Variants in TBC1D32 observed in about 807,000 individuals in gnomAD.
TBC1D32 encodes the protein protein broad-minded.
Under a neutral mutation model 170.3 loss-of-function variants are expected in TBC1D32, and 151 were observed. The ratio of observed to expected loss-of-function variants is 0.89; its 90% confidence interval spans 0.78 to 1.01. The LOEUF is 1.01. TBC1D32 is among the 50% of genes least tolerant of loss of function. TBC1D32 has a pLI of 0.00. For synonymous variants in TBC1D32, 498 were observed against 488.0 expected (o/e 1.02, Z -0.27); for missense variants, 1,464 against 1,457.1 (o/e 1.00, Z -0.08).
intron 24 of TBC1D32, among the ~76,000 whole-genome samples, chr6:121,152,147 T>C (rs1036026047): frequency 2.0e-5 from 3 of 152,208 alleles, no homozygotes; most frequent in Admixed American, 1.3e-4. Flanking sequence ...TACTGGTTTT[T>C]CCTTTCAATA....
chr6:121,151,481 A>G (rs79004489), intron 24 of TBC1D32, among the ~76,000 whole-genome samples: 1 of 152,116 alleles, frequency 6.6e-6, no homozygotes, highest in Admixed American at 6.6e-5. Flanking sequence ...TATTCTGTTG[A>G]TTTGGGGTGG....
Position 121,319,410 on chromosome 6 carries a change from C to T in TBC1D32, c.318-1738G>A, listed in dbSNP as rs149608183. Among the ~76,000 whole-genome samples, 372 of 152,258 alleles carry T rather than the reference C, an allele frequency of 2.4e-3. 4 individuals carry two copies. The highest frequency in any genetic ancestry group is 8.9e-3 in the African/African-American group (368 of 41,560). ...GGCAGCAAAAAACAGGGAAACAAAA[C>T]AGTGCCCTGGCAGCAATCAATACAC... On this transcript the variant is annotated intron_variant, in intron 2 of 31. Coordinates refer to ENST00000398212, the MANE Select transcript of TBC1D32 (RefSeq NM_152730.6).
At chr6:121,295,869 A>G (rs1318776301) in intron 10 of TBC1D32, among the ~76,000 whole-genome samples, 2 of 152,162 alleles carry the variant, frequency 1.3e-5, no homozygotes, top group African/African-American at 4.8e-5. Flanking sequence ...GCCTCCTTAC[A>G]AGGTGGGATT....
At chr6:121,329,868 C>T (rs765184701) in intron 1 of TBC1D32, among the ~76,000 whole-genome samples, 3 of 151,700 alleles carry the variant, frequency 2.0e-5, no homozygotes, top group Non-Finnish European at 4.4e-5. Context: ...ATACATAAGG[C>T]CATATAATAG....
At chr6:121,274,964 A>G (rs1308264120) in intron 15 of TBC1D32, among the ~76,000 whole-genome samples, 1 of 152,200 alleles carries the variant, frequency 6.6e-6, no homozygotes, top group Non-Finnish European at 1.5e-5. Context: ...AATTGTAGCA[A>G]CAAACAAAAA....
intron 22 of TBC1D32, chr6:121,170,290 T>C (rs945007771): frequency 2.9e-6 from 3 of 1,041,832 alleles, no homozygotes; most frequent in Non-Finnish European, 4.0e-6. Flanking sequence ...GTTATTTAAA[T>C]TGATTGAATT....
chr6:121,321,699 T>G lies in TBC1D32; in HGVS notation c.251A>C (p.Gln84Pro). 6.2e-7 allele frequency: 1 copy of G among 1,614,104 alleles called. No individual in the cohort carries two copies. The highest frequency in any genetic ancestry group is 8.5e-7 in the Non-Finnish European group (1 of 1,179,976). Residue 84 changes from glutamine to proline, a missense_variant, in exon 2 of 32, where the codon CAG (glutamine) becomes CCG (proline). Gln to Pro is a moderately conservative substitution (Grantham distance 76). Coordinates refer to ENST00000398212, the MANE Select transcript of TBC1D32 (RefSeq NM_152730.6). ...TGTATCATAGCCGCATTCTTCACCCTGATTCCGATCAGATGTGCATTTTTC... is the reference window on the plus strand; with the variant it reads ...TGTATCATAGCCGCATTCTTCACCCGGATTCCGATCAGATGTGCATTTTTC... ...EMEKCTSDRNQGEECGYDTVV... is the reference protein window; with the variant it reads ...EMEKCTSDRNPGEECGYDTVV...
chr6:121,208,309 TG>T (rs1162195551), intron 21 of TBC1D32, among the ~76,000 whole-genome samples: 1 of 152,024 alleles, frequency 6.6e-6, no homozygotes, highest in Non-Finnish European at 1.5e-5. Flanking sequence ...TCAACATGGC[TG>T]GGGAGACCTC....
At chr6:121,082,204 T>C (rs1369762376) in intron 31 of TBC1D32, among the ~76,000 whole-genome samples, 1 of 152,072 alleles carries the variant, frequency 6.6e-6, no homozygotes, top group East Asian at 1.9e-4. Flanking sequence ...GTGTATATCA[T>C]GTCTCTGATT....
rs533639154 is a variant in TBC1D32, at chr6:121,269,294, T to C, written c.1733+9827A>G. On this transcript the variant is annotated intron_variant, in intron 15 of 31. Coordinates refer to ENST00000398212, the MANE Select transcript of TBC1D32 (RefSeq NM_152730.6). ...CCTTAAATGAAAATGGGCTAAATGC[T>C]CCAATTAAAAGACATAGACTGGCAA... Among the ~76,000 whole-genome samples, 7 of 152,100 alleles carry C rather than the reference T, an allele frequency of 4.6e-5. No individual in the cohort carries two copies. In the East Asian group the frequency reaches 1.4e-3, roughly 29 times the overall value.
At chr6:121,185,544 C>A (rs1053399619) in intron 22 of TBC1D32, among the ~76,000 whole-genome samples, 14 of 152,084 alleles carry the variant, frequency 9.2e-5, no homozygotes, top group Non-Finnish European at 2.1e-4. Context: ...CTGACTACAG[C>A]TATTACTGAA....
At chr6:121,089,356 A>G (rs1582712999) in intron 31 of TBC1D32, among the ~76,000 whole-genome samples, 1 of 152,164 alleles carries the variant, frequency 6.6e-6, no homozygotes, top group African/African-American at 2.4e-5. Context: ...CTAAAGTAGG[A>G]TAAGATGTTA....
At chr6:121,206,216 G>GAAAA (rs74509676) in intron 21 of TBC1D32, among the ~76,000 whole-genome samples, 1 of 74,588 alleles carries the variant, frequency 1.3e-5, no homozygotes, top group Non-Finnish European at 3.1e-5. Context: ...TCTCAGAAAA[G>GAAAA]AAAAAAAAAA....
At chr6:121,213,514 TA>T (rs1169241649) in intron 21 of TBC1D32, among the ~76,000 whole-genome samples, 4 of 5,566 alleles carry the variant, frequency 7.2e-4, no homozygotes, top group African/African-American at 9.8e-4. Flanking sequence ...TAAAATAAAA[TA>T]AAATAAAATA....
chr6:121,264,801 C>G (rs1800245387), intron 15 of TBC1D32, among the ~76,000 whole-genome samples: 1 of 152,100 alleles, frequency 6.6e-6, no homozygotes, highest in South Asian at 2.1e-4. Context: ...GTAAACAGAA[C>G]CAATGACAAA....
At chr6:121,260,092 AAT>A (rs1459044344) in intron 15 of TBC1D32, among the ~76,000 whole-genome samples, 5 of 152,280 alleles carry the variant, frequency 3.3e-5, no homozygotes, top group Admixed American at 6.5e-5. Flanking sequence ...GGAGAAACCA[AAT>A]ATACTGACAT....
chr6:121,159,081 C>T (rs1319521672), intron 24 of TBC1D32, among the ~76,000 whole-genome samples: 2 of 152,152 alleles, frequency 1.3e-5, no homozygotes, highest in East Asian at 1.9e-4. Flanking sequence ...AGAAAAAATG[C>T]TCTTCTCTTA....
intron 12 of TBC1D32, among the ~76,000 whole-genome samples, chr6:121,290,167 A>G (rs1804600810): frequency 1.3e-5 from 2 of 152,238 alleles, no homozygotes; most frequent in Non-Finnish European, 2.9e-5. Flanking sequence ...ATTAAGCTAA[A>G]GAGCTTCTGC....
intron 22 of TBC1D32, among the ~76,000 whole-genome samples, chr6:121,176,949 C>T (rs901321380): frequency 2.0e-5 from 3 of 152,026 alleles, no homozygotes; most frequent in Admixed American, 6.5e-5. Context: ...AGGTGGAGAC[C>T]GAAAGCCTGC....
Sources: gnomAD v4.1 joint callset for allele counts (sites outside exome capture counted in the v4.1 genomes callset) on GRCh38, gnomAD v4.1.1 for gene constraint, MANE v1.5 for transcripts, NCBI Gene and HGNC (gene_info 2026-07-23, HGNC 2026-07-21) for gene names.